ANK2: variants seen among roughly 807,000 people sequenced by gnomAD.
The protein encoded by ANK2 is ankyrin 2, also known as ankyrin-2.
ANK2 carries 83 observed loss-of-function variants against 360.5 expected under a neutral mutation model. That is an observed-to-expected ratio of 0.23 (90% CI 0.19 to 0.28). The LOEUF is 0.28. Among genes scored for constraint, ANK2 ranks in the 10% least tolerant of loss-of-function variants. ANK2 has a pLI of 1.00. For missense variants in ANK2, 4,201 were observed against 4,795.7 expected, an observed-to-expected ratio of 0.88 and a Z score of 3.66; for synonymous variants, 1,740 against 1,759.5, an observed-to-expected ratio of 0.99 and a Z score of 0.28.
intron 2 of ANK2, among the ~76,000 whole-genome samples, chr4:112,943,902 G>T (rs1273291855): frequency 7.2e-5 from 11 of 151,932 alleles, no homozygotes. Flanking sequence ...AAGCAGAGTT[G>T]GTATTCAGTA....
In ANK2 at chr4:113,341,858, A is replaced by G. The variant is rs2094335593; in HGVS notation, c.4064A>G (p.Asp1355Gly). 1 of 1,614,094 alleles carries G rather than the reference A, an allele frequency of 6.2e-7. No homozygotes were observed. The highest frequency in any genetic ancestry group is 1.3e-5 in the African/African-American group (1 of 75,044). Residue 1355 changes from aspartate to glycine, a missense_variant, in exon 33 of 46, where the codon GAT (aspartate) becomes GGT (glycine). By Grantham distance (94) the Asp-to-Gly change is moderately conservative. Coordinates refer to ENST00000357077, the MANE Select transcript of ANK2 (RefSeq NM_001148.6). Reference sequence around the variant, plus strand: ...TTCTGCATGACTGATGATAAAGTGGATAAGACCCTTGAACAACAAGAAAAT... The same window carrying G: ...TTCTGCATGACTGATGATAAAGTGGGTAAGACCCTTGAACAACAAGAAAAT... Reference protein sequence around the residue: ...RCFCMTDDKVDKTLEQQENFA... With the variant: ...RCFCMTDDKVGKTLEQQENFA...
At chr4:113,043,659 A>G (rs1356149127) in intron 2 of ANK2, among the ~76,000 whole-genome samples, 1 of 152,178 alleles carries the variant, frequency 6.6e-6, no homozygotes, top group East Asian at 1.9e-4. Context: ...CACTGATAAC[A>G]AAAGTATAAA....
At chr4:113,043,160 G>A (rs2063385352) in intron 2 of ANK2, among the ~76,000 whole-genome samples, 1 of 152,118 alleles carries the variant, frequency 6.6e-6, no homozygotes, top group South Asian at 2.1e-4. Flanking sequence ...CAAGGAGGGA[G>A]AAGAAGTACT....
chr4:112,865,837 G>A (rs887569150), intron 1 of ANK2, among the ~76,000 whole-genome samples: 2 of 152,146 alleles, frequency 1.3e-5, no homozygotes, highest in Non-Finnish European at 2.9e-5. Flanking sequence ...GGTAAGGATG[G>A]TCTACTAGGT....
At chr4:112,820,034 C>T (rs943838011) in intron 1 of ANK2, among the ~76,000 whole-genome samples, 1 of 152,220 alleles carries the variant, frequency 6.6e-6, no homozygotes, top group African/African-American at 2.4e-5. Flanking sequence ...GGCCTGATTT[C>T]TCTGCAGACA....
At chr4:113,126,250 T>C (rs1506063) in intron 1 of ANK2, among the ~76,000 whole-genome samples, 70,311 of 152,034 alleles carry the variant, frequency 0.46, 17,158 homozygotes, top group Non-Finnish European at 0.55. Context: ...GCAGTAATGA[T>C]AGCTGCCTTT....
intron 4 of ANK2, among the ~76,000 whole-genome samples, chr4:113,206,478 G>C (rs2098950177): frequency 6.6e-6 from 1 of 150,966 alleles, no homozygotes; most frequent in South Asian, 2.1e-4. Flanking sequence ...TAAGGGTCTT[G>C]TTTTTTTTTC....
At chr4:113,270,202 A>G (rs991678160) in intron 14 of ANK2, among the ~76,000 whole-genome samples, 13 of 152,208 alleles carry the variant, frequency 8.5e-5, no homozygotes, top group South Asian at 2.1e-4. Context: ...TTTAATAATG[A>G]AAGAGTTTCC....
chr4:112,981,290 A>G (rs2043042394), intron 2 of ANK2, among the ~76,000 whole-genome samples: 1 of 152,244 alleles, frequency 6.6e-6, no homozygotes. Context: ...TGGTGTTTGA[A>G]TTGGTAGGCA....
intron 2 of ANK2, among the ~76,000 whole-genome samples, chr4:112,959,242 A>G (rs753040259): frequency 6.6e-6 from 1 of 152,218 alleles, no homozygotes; most frequent in Non-Finnish European, 1.5e-5. Flanking sequence ...ATTGTATCCA[A>G]TAGATAAGAC....
chr4:113,312,158 C>T (rs1032366020), intron 24 of ANK2, among the ~76,000 whole-genome samples: 16 of 140,924 alleles, frequency 1.1e-4, no homozygotes, highest in African/African-American at 3.4e-4. Flanking sequence ...TAGCTGGGTG[C>T]AGTGGCTGGG....
chr4:112,856,309 T>C (rs544393711), intron 1 of ANK2, among the ~76,000 whole-genome samples: 21 of 152,332 alleles, frequency 1.4e-4, no homozygotes, highest in Non-Finnish European at 2.5e-4. Flanking sequence ...ACCTCAAGAA[T>C]ACTTTTAATA....
rs2154027517 is a variant in ANK2 at position 113,357,310 on chromosome 4, A to G, written c.8692A>G (p.Thr2898Ala). 6.2e-7 allele frequency: 1 copy of G among 1,614,088 alleles called. No individual in the cohort carries two copies. Among genetic ancestry groups the G allele is most frequent in the Middle Eastern group, 1.6e-4 (1 of 6,062 alleles). Reference sequence around the variant, plus strand: ...CTGCCCCTCTCAAGACTCATCCATTACTACTCAAACAGATAGATTTTCCAT... The same window carrying G: ...CTGCCCCTCTCAAGACTCATCCATTGCTACTCAAACAGATAGATTTTCCAT... ...KDCPSQDSSI[T>A]TQTDRFSMDV... The change falls in exon 38 of 46, where the codon ACT becomes GCT. Residue 2898 changes from threonine (T) to alanine (A), a missense_variant. By Grantham distance (58) the Thr-to-Ala change is moderately conservative (BLOSUM62 0). Transcript: ENST00000357077.
intron 4 of ANK2, among the ~76,000 whole-genome samples, chr4:113,223,508 G>T (rs2099175057): frequency 6.6e-6 from 1 of 152,116 alleles, no homozygotes; most frequent in Non-Finnish European, 1.5e-5. Context: ...ATAGCACATG[G>T]AATTAAGGGT....
intron 37 of ANK2, 171 bp downstream of exon 37, chr4:113,350,420 A>G: frequency 1.8e-6 from 1 of 547,606 alleles, no homozygotes. Context: ...GTTAAATTAC[A>G]AATATACCTA....
chr4:112,998,696 T>C (rs2049525108), intron 2 of ANK2, among the ~76,000 whole-genome samples: 1 of 152,206 alleles, frequency 6.6e-6, no homozygotes, highest in South Asian at 2.1e-4. Flanking sequence ...TTAAATAAAG[T>C]TAAGCAGATT....
At chr4:112,773,806 A>G in the ANK2 span, among the ~76,000 whole-genome samples, 8 of 152,024 alleles carry the variant, frequency 5.3e-5, no homozygotes, top group East Asian at 1.4e-3. Context: ...TATTTTAATT[A>G]ATTTATTTTT....
intron 1 of ANK2, among the ~76,000 whole-genome samples, chr4:112,874,196 C>T (rs2074246909): frequency 2.0e-5 from 3 of 150,764 alleles, no homozygotes; most frequent in Middle Eastern, 3.4e-3. Flanking sequence ...ATTCTCCTGC[C>T]TCAGCCTCCT....
the ANK2 span, among the ~76,000 whole-genome samples, chr4:112,727,931 C>T: frequency 2.0e-5 from 3 of 151,972 alleles, no homozygotes; most frequent in African/African-American, 7.3e-5. Context: ...GAGCCGAGAT[C>T]GCGCCATTGC....
Sources: allele counts gnomAD v4.1 joint callset (sites outside exome capture counted in the v4.1 genomes callset), GRCh38; gene constraint gnomAD v4.1.1; transcripts MANE v1.5; gene names NCBI Gene and HGNC (gene_info 2026-07-23, HGNC 2026-07-21).